The following VEPH1 variants were observed in gnomAD, a reference collection of about 807,000 sequenced individuals.
The protein encoded by VEPH1 is ventricular zone-expressed PH domain-containing protein homolog 1.
In VEPH1, 80 loss-of-function variants were observed where a neutral mutation model predicts 85.2. The ratio of observed to expected loss-of-function variants is 0.94; its 90% CI spans 0.78 to 1.13. VEPH1 has a LOEUF of 1.13. Among genes scored for constraint, VEPH1 ranks in the 50% most tolerant of loss-of-function variants. The probability of loss-of-function intolerance (pLI) is 0.00; values close to 1 mark genes in which losing one functional copy is unlikely to be tolerated. For missense variants in VEPH1, 955 were observed against 980.5 expected (o/e 0.97, Z 0.35); for synonymous variants, 297 against 348.0 (o/e 0.85, Z 1.63).
At chr3:157,344,207 G>T (rs556455111) in intron 9 of VEPH1, among the ~76,000 whole-genome samples, 1 of 152,236 alleles carries the variant, frequency 6.6e-6, no homozygotes, top group East Asian at 1.9e-4. Flanking sequence ...GAAATAAAGG[G>T]TATTCAATTA....
At chr3:157,482,681 A>G (rs1354785258) in intron 2 of VEPH1, among the ~76,000 whole-genome samples, 2 of 152,148 alleles carry the variant, frequency 1.3e-5, no homozygotes, top group Non-Finnish European at 2.9e-5. Flanking sequence ...TTGTAGCTGT[A>G]GTTGTCCTTG....
At chr3:157,428,250 C>A (rs978080538) in intron 5 of VEPH1, 72 bp downstream of exon 5, 3 of 1,532,386 alleles carry the variant, frequency 2.0e-6, no homozygotes, top group African/African-American at 2.7e-5. Context: ...AAATCCTAAG[C>A]ACATACGCTG....
chr3:157,370,038 T>C (rs1727311244), intron 7 of VEPH1, among the ~76,000 whole-genome samples: 1 of 152,218 alleles, frequency 6.6e-6, no homozygotes, highest in South Asian at 2.1e-4. Context: ...TATAATCCCC[T>C]AAATATTAAC....
At chr3:157,444,103 G>A (rs1734356559) in intron 4 of VEPH1, among the ~76,000 whole-genome samples, 1 of 152,130 alleles carries the variant, frequency 6.6e-6, no homozygotes, top group Admixed American at 6.5e-5. Flanking sequence ...GGATGGGGAG[G>A]TAACTTTTCC....
chr3:157,400,278 T>C (rs985603636), intron 6 of VEPH1, among the ~76,000 whole-genome samples: 1 of 152,138 alleles, frequency 6.6e-6, no homozygotes, highest in Non-Finnish European at 1.5e-5. Context: ...GAATCTTAAA[T>C]TTTGTAACAT....
At chr3:157,455,143 A>T (rs1735267840) in intron 4 of VEPH1, among the ~76,000 whole-genome samples, 2 of 152,150 alleles carry the variant, frequency 1.3e-5, no homozygotes, top group African/African-American at 4.8e-5. Context: ...TAATAGTTCT[A>T]TTTTAACTTC....
intron 12 of VEPH1, among the ~76,000 whole-genome samples, chr3:157,283,888 TC>T: frequency 6.6e-6 from 1 of 152,202 alleles, no homozygotes; most frequent in East Asian, 1.9e-4. Flanking sequence ...AGACTTCAAT[TC>T]TACTTCTTTG....
intron 11 of VEPH1, among the ~76,000 whole-genome samples, chr3:157,308,684 C>T (rs896614385): frequency 6.6e-6 from 1 of 151,964 alleles, no homozygotes; most frequent in African/African-American, 2.4e-5. Context: ...AATTGGAACT[C>T]AGTTAAAGTG....
At chr3:157,275,468 C>G (rs765184094) in intron 12 of VEPH1, among the ~76,000 whole-genome samples, 2 of 151,736 alleles carry the variant, frequency 1.3e-5, no homozygotes, top group Non-Finnish European at 2.9e-5. Flanking sequence ...CCCAGCTACT[C>G]GGGAGACTGA....
rs139472063 is a variant in VEPH1, at chr3:157,474,780, C to T, written c.139-4251G>A. 1.2e-3 allele frequency among the ~76,000 whole-genome samples: 174 copies of T among 150,990 alleles called. 1 individual carries two copies. Among genetic ancestry groups the T allele is most frequent in the African/African-American group, 4.0e-3 (162 of 41,004 alleles). On this transcript the variant is annotated intron_variant, in intron 2 of 13. Coordinates refer to ENST00000362010, the MANE Select transcript of VEPH1 (RefSeq NM_001167912.2). Reference sequence around the variant, plus strand: ...CTCAGCATTGATTTTCTGTGTCAAACGATTATTTCCTGTGCTTTATCTGTT... The same window carrying T: ...CTCAGCATTGATTTTCTGTGTCAAATGATTATTTCCTGTGCTTTATCTGTT...
intron 6 of VEPH1, among the ~76,000 whole-genome samples, chr3:157,404,254 CA>C (rs760622746): frequency 2.0e-5 from 3 of 152,038 alleles, no homozygotes; most frequent in Non-Finnish European, 2.9e-5. Context: ...ATGCCAGGGC[CA>C]CGAGGAGGTA....
At chr3:157,300,353 C>A (rs1718648252) in intron 11 of VEPH1, among the ~76,000 whole-genome samples, 1 of 152,018 alleles carries the variant, frequency 6.6e-6, no homozygotes, top group African/African-American at 2.4e-5. Flanking sequence ...TAAAAAATTT[C>A]CTTGACTGAT....
intron 9 of VEPH1, among the ~76,000 whole-genome samples, chr3:157,345,276 C>T (rs1478171303): frequency 2.0e-5 from 3 of 152,126 alleles, no homozygotes; most frequent in Non-Finnish European, 4.4e-5. Flanking sequence ...GCAATCTACT[C>T]ATCTGACAAA....
chr3:157,305,719 C>T (rs760581948), intron 11 of VEPH1, among the ~76,000 whole-genome samples: 5 of 152,258 alleles, frequency 3.3e-5, no homozygotes, highest in South Asian at 2.1e-4. Context: ...AACTTAGAAA[C>T]GTGTGAGTGC....
intron 5 of VEPH1, among the ~76,000 whole-genome samples, chr3:157,426,754 T>C (rs1460736787): frequency 6.6e-6 from 1 of 151,866 alleles, no homozygotes; most frequent in Non-Finnish European, 1.5e-5. Context: ...ATGACGACAT[T>C]AAACTTTCTT....
intron 12 of VEPH1, among the ~76,000 whole-genome samples, chr3:157,272,425 T>TTCTTTCTTTC (rs1375052189): frequency 6.7e-6 from 1 of 148,492 alleles, no homozygotes; most frequent in African/African-American, 2.5e-5. Context: ...CTTTCTTTCT[T>TTCTTTCTTTC]TCTTTCTTTC....
intron 11 of VEPH1, among the ~76,000 whole-genome samples, chr3:157,301,171 G>C (rs1718752161): frequency 6.6e-6 from 1 of 152,090 alleles, no homozygotes; most frequent in African/African-American, 2.4e-5. Flanking sequence ...ACATAGCCGT[G>C]GTCAGTTAAC....
Position 157,498,257 on chromosome 3 carries a change from T to C in VEPH1, c.-157-2751A>G, listed in dbSNP as rs893785991. Reference sequence around the variant, plus strand: ...GCGATTATAGGACCTTTAGTTCATGTTGTTTTCCTTTCTTGAGACTTGGTT... The same window carrying C: ...GCGATTATAGGACCTTTAGTTCATGCTGTTTTCCTTTCTTGAGACTTGGTT... On this transcript the variant is annotated intron_variant, in intron 1 of 13. Transcript: ENST00000362010. Among the ~76,000 whole-genome samples, 8 of 152,204 alleles carry C rather than the reference T, an allele frequency of 5.3e-5. 1 individual carries two copies. Among genetic ancestry groups the C allele is most frequent in the African/African-American group, 1.7e-4 (7 of 41,436 alleles).
chr3:157,270,273 T>TA (rs571761806), intron 12 of VEPH1, among the ~76,000 whole-genome samples: 4,223 of 137,090 alleles, frequency 0.031, 196 homozygotes, highest in African/African-American at 0.11. Flanking sequence ...TGCCATCTCT[T>TA]AAAAAAAAAA....
Sources: allele counts gnomAD v4.1 joint callset (sites outside exome capture counted in the v4.1 genomes callset), GRCh38; gene constraint gnomAD v4.1.1; transcripts MANE v1.5; gene names NCBI Gene and HGNC (gene_info 2026-07-23, HGNC 2026-07-21).